KCNIP1: variants seen among roughly 807,000 people sequenced by gnomAD.
KCNIP1 encodes the protein A-type potassium channel modulatory protein KCNIP1.
Under a neutral mutation model 33.0 loss-of-function variants are expected in KCNIP1, and 18 were observed. That is an observed-to-expected ratio of 0.55 (90% CI 0.38 to 0.81). The LOEUF is 0.81. KCNIP1 is among the 30% of genes least tolerant of loss of function. The pLI is 0.00. For missense variants in KCNIP1, 238 were observed against 271.6 expected, an observed-to-expected ratio of 0.88 and a Z score of 0.87; for synonymous variants, 93 against 98.3, an observed-to-expected ratio of 0.95 and a Z score of 0.32.
chr5:170,557,704 G>A (rs1352901730), intron 1 of KCNIP1, among the ~76,000 whole-genome samples: 1 of 152,198 alleles, frequency 6.6e-6, no homozygotes, highest in East Asian at 1.9e-4. Context: ...AAGGCCCTGA[G>A]GAGAGAACAA....
intron 1 of KCNIP1, among the ~76,000 whole-genome samples, chr5:170,674,465 A>C (rs1434548584): frequency 6.6e-6 from 1 of 152,188 alleles, no homozygotes; most frequent in Non-Finnish European, 1.5e-5. Context: ...GCAGTCATTA[A>C]TGAATGTGCT....
intron 1 of KCNIP1, among the ~76,000 whole-genome samples, chr5:170,672,455 A>C (rs1232277741): frequency 6.6e-6 from 1 of 152,276 alleles, no homozygotes; most frequent in Non-Finnish European, 1.5e-5. Flanking sequence ...CCTTCCCAGA[A>C]TCCAAACGCT....
At chr5:170,386,762 G>A (rs891398125) in intron 1 of KCNIP1, among the ~76,000 whole-genome samples, 1 of 151,770 alleles carries the variant, frequency 6.6e-6, no homozygotes, top group Non-Finnish European at 1.5e-5. Context: ...TGGCCTCAGC[G>A]ACTGCTTTCT....
chr5:170,435,487 G>C (rs932459473), intron 1 of KCNIP1, among the ~76,000 whole-genome samples: 1 of 152,230 alleles, frequency 6.6e-6, no homozygotes, highest in African/African-American at 2.4e-5. Context: ...CTGGAGAGCG[G>C]GGCTGGACAG....
chr5:170,425,313 T>C (rs889389774), intron 1 of KCNIP1, among the ~76,000 whole-genome samples: 5 of 152,226 alleles, frequency 3.3e-5, no homozygotes, highest in Non-Finnish European at 2.9e-5. Context: ...TCTTTTCCCC[T>C]GCATCCAAGT....
chr5:170,718,924 A>C, intron 2 of KCNIP1, 42 bp downstream of exon 2: 1 of 1,590,878 alleles, frequency 6.3e-7, no homozygotes, highest in Non-Finnish European at 8.5e-7. Flanking sequence ...GGGGGTTCCC[A>C]CGTGAGGCTA....
rs772098243 is a variant in KCNIP1 at position 170,735,830 on chromosome 5, T to A, written c.*24T>A. ...AACTGGTGACACTCAGCCATTCAGC[T>A]CTCAGAGACATTGTACTAAACAACC... On this transcript the variant is annotated 3_prime_UTR_variant, in exon 8 of 8. Transcript: ENST00000328939. 103 of 1,607,100 alleles carry A rather than the reference T, an allele frequency of 6.4e-5. No homozygotes were observed. The highest frequency in any genetic ancestry group is 1.0e-4 in the Admixed American group (6 of 59,986).
At chr5:170,371,438 G>C (rs1031653970) in intron 1 of KCNIP1, among the ~76,000 whole-genome samples, 13 of 152,150 alleles carry the variant, frequency 8.5e-5, no homozygotes, top group African/African-American at 3.1e-4. Context: ...ACCTTGACCT[G>C]CTTGGCATTT....
chr5:170,694,065 A>G lies in KCNIP1; in HGVS notation c.62-24693A>G, dbSNP rs188723574. 3.2e-4 allele frequency among the ~76,000 whole-genome samples: 48 copies of G among 152,342 alleles called. 1 individual carries two copies. The highest frequency in any genetic ancestry group is 5.7e-4 in the Non-Finnish European group (39 of 68,020). On this transcript the variant is annotated intron_variant, in intron 1 of 7. Transcript: ENST00000328939. Reference sequence around the variant, plus strand: ...AGGTGCCATTGCCCAAGAATGGGGAAAAGGCTGAAGTGCTCCAGCCAAAGA... The same window carrying G: ...AGGTGCCATTGCCCAAGAATGGGGAGAAGGCTGAAGTGCTCCAGCCAAAGA...
At chr5:170,485,012 C>G (rs1367085755) in intron 1 of KCNIP1, among the ~76,000 whole-genome samples, 2 of 149,024 alleles carry the variant, frequency 1.3e-5, no homozygotes, top group African/African-American at 2.5e-5. Flanking sequence ...GCAATCTCCA[C>G]TCACTGCAAT....
intron 1 of KCNIP1, among the ~76,000 whole-genome samples, chr5:170,612,706 G>T (rs963869952): frequency 6.6e-6 from 1 of 152,210 alleles, no homozygotes; most frequent in Non-Finnish European, 1.5e-5. Flanking sequence ...CCCTGCTCCA[G>T]CCTGACAATG....
At chr5:170,358,420 C>T (rs1262850802) in intron 1 of KCNIP1, among the ~76,000 whole-genome samples, 3 of 152,152 alleles carry the variant, frequency 2.0e-5, no homozygotes, top group African/African-American at 7.2e-5. Flanking sequence ...TTCCTCTTGC[C>T]TCCTCCCACT....
At chr5:170,530,255 GATT>G (rs1162732214) in intron 1 of KCNIP1, among the ~76,000 whole-genome samples, 2 of 151,248 alleles carry the variant, frequency 1.3e-5, no homozygotes, top group Non-Finnish European at 2.9e-5. Flanking sequence ...TCAAAGACAG[GATT>G]ATTATTGTTG....
At chr5:170,594,516 T>A (rs921539987) in intron 1 of KCNIP1, among the ~76,000 whole-genome samples, 2 of 152,152 alleles carry the variant, frequency 1.3e-5, no homozygotes, top group African/African-American at 2.4e-5. Context: ...TTTCTTTTTT[T>A]TTATTATTGT....
intron 1 of KCNIP1, among the ~76,000 whole-genome samples, chr5:170,358,472 T>C (rs1320291581): frequency 6.6e-6 from 1 of 152,214 alleles, no homozygotes. Flanking sequence ...GACCCGGGCA[T>C]GGACTCTGCC....
chr5:170,357,530 T>A (rs1763380853), intron 1 of KCNIP1, among the ~76,000 whole-genome samples: 1 of 151,940 alleles, frequency 6.6e-6, no homozygotes, highest in African/African-American at 2.4e-5. Context: ...CTGCATGACT[T>A]TATTTATTTA....
chr5:170,735,816 C>T lies in KCNIP1; in HGVS notation c.*10C>T, dbSNP rs199553430. The T allele has an allele frequency of 6.3e-5, 101 of 1,611,570 alleles. No individual in the cohort carries two copies. Among genetic ancestry groups the T allele is most frequent in the Non-Finnish European group, 7.9e-5 (93 of 1,177,888 alleles). On this transcript the variant is annotated 3_prime_UTR_variant, in exon 8 of 8. Coordinates refer to ENST00000328939, the MANE Select transcript of KCNIP1 (RefSeq NM_014592.4). ...TCAAAATGTCATGTAACTGGTGACA[C>T]TCAGCCATTCAGCTCTCAGAGACAT...
At chr5:170,715,780 C>A (rs1448082589) in intron 1 of KCNIP1, among the ~76,000 whole-genome samples, 1 of 152,174 alleles carries the variant, frequency 6.6e-6, no homozygotes, top group African/African-American at 2.4e-5. Context: ...TTATCTCAAC[C>A]ATTCAAACTT....
chr5:170,660,126 T>G (rs538109525), intron 1 of KCNIP1, among the ~76,000 whole-genome samples: 1 of 152,304 alleles, frequency 6.6e-6, no homozygotes, highest in South Asian at 2.1e-4. Context: ...CTCAGGAAAC[T>G]AAGACCCAGC....
Sources: allele counts gnomAD v4.1 joint callset (sites outside exome capture counted in the v4.1 genomes callset), GRCh38; gene constraint gnomAD v4.1.1; transcripts MANE v1.5; gene names NCBI Gene and HGNC (gene_info 2026-07-23, HGNC 2026-07-21).